Variants in SERINC5 observed in about 807,000 individuals in gnomAD.
The protein encoded by SERINC5 is serine incorporator 5, also known as chromosome 5 open reading frame 12.
In SERINC5, 41 loss-of-function variants were observed where a neutral mutation model predicts 63.1. The ratio of observed to expected loss-of-function variants is 0.65; its 90% confidence interval spans 0.51 to 0.84. The LOEUF is 0.84. SERINC5 is among the 40% of genes least tolerant of loss of function. The pLI, the probability that SERINC5 is intolerant of heterozygous loss-of-function variation, is 0.00. For missense variants in SERINC5, 523 were observed against 573.0 expected (o/e 0.91, Z 0.89); for synonymous variants, 222 against 215.2 (o/e 1.03, Z -0.28).
intron 6 of SERINC5, chr5:80,166,894 A>T: frequency 5.2e-6 from 1 of 190,546 alleles, no homozygotes; most frequent in Non-Finnish European, 1.1e-5. Context: ...TTCATAGGGG[A>T]TGTATTCTGG....
intron 2 of SERINC5, among the ~76,000 whole-genome samples, chr5:80,190,777 T>A: frequency 6.6e-6 from 1 of 152,230 alleles, no homozygotes; most frequent in East Asian, 1.9e-4. Flanking sequence ...CCTCAAGATT[T>A]GAGAGCCCCA....
At chr5:80,219,707 C>T (rs1038646826) in intron 1 of SERINC5, among the ~76,000 whole-genome samples, 3 of 152,156 alleles carry the variant, frequency 2.0e-5, no homozygotes, top group South Asian at 2.1e-4. Context: ...ATTACCCCTT[C>T]GCCCCCAGCT....
At chr5:80,127,639 T>C (rs1284130389) in intron 11 of SERINC5, among the ~76,000 whole-genome samples, 1 of 152,130 alleles carries the variant, frequency 6.6e-6, no homozygotes, top group East Asian at 1.9e-4. Context: ...ATATTTTATA[T>C]ATTTAAATTA....
chr5:80,168,013 C>A (rs1219619898), intron 6 of SERINC5, among the ~76,000 whole-genome samples: 2 of 152,246 alleles, frequency 1.3e-5, no homozygotes, highest in South Asian at 4.2e-4. Context: ...TGGTATTAAA[C>A]CAAGTATTTC....
At chr5:80,217,555 A>G (rs943328605) in intron 1 of SERINC5, among the ~76,000 whole-genome samples, 2 of 152,260 alleles carry the variant, frequency 1.3e-5, no homozygotes, top group Non-Finnish European at 2.9e-5. Flanking sequence ...TCAAGAGTTT[A>G]GCGGCGAGTG....
At chr5:80,206,185 CTA>C (rs1485421381) in intron 1 of SERINC5, among the ~76,000 whole-genome samples, 1 of 152,032 alleles carries the variant, frequency 6.6e-6, no homozygotes, top group African/African-American at 2.4e-5. Flanking sequence ...CTATATAAAC[CTA>C]AAGCCCAACA....
At chr5:80,219,008 G>C (rs946825586) in intron 1 of SERINC5, among the ~76,000 whole-genome samples, 2 of 152,170 alleles carry the variant, frequency 1.3e-5, no homozygotes, top group Non-Finnish European at 2.9e-5. Flanking sequence ...TTAGGATTCA[G>C]TGTCCAATAA....
intron 11 of SERINC5, chr5:80,116,450 G>T (rs182690186): frequency 2.4e-6 from 1 of 411,014 alleles, no homozygotes; most frequent in Non-Finnish European, 4.8e-6. Flanking sequence ...CATTTTCTCC[G>T]TTCCCTTCCC....
chr5:80,124,378 C>T (rs1744660763), intron 11 of SERINC5, among the ~76,000 whole-genome samples: 2 of 152,218 alleles, frequency 1.3e-5, no homozygotes, highest in African/African-American at 4.8e-5. Context: ...CTTTTCCACA[C>T]CTCTGCCTGC....
intron 1 of SERINC5, among the ~76,000 whole-genome samples, chr5:80,204,086 A>T (rs1192084960): frequency 6.6e-6 from 1 of 152,090 alleles, no homozygotes; most frequent in Non-Finnish European, 1.5e-5. Flanking sequence ...GGCGCTCGGG[A>T]CCCTTCCGGA....
intron 7 of SERINC5, among the ~76,000 whole-genome samples, chr5:80,164,411 A>G (rs1747137446): frequency 6.6e-6 from 1 of 151,598 alleles, no homozygotes; most frequent in Non-Finnish European, 1.5e-5. Flanking sequence ...GTCCCTGTCT[A>G]TTGCCCTGGG....
intron 1 of SERINC5, among the ~76,000 whole-genome samples, chr5:80,239,228 A>G (rs1470035529): frequency 6.6e-6 from 1 of 152,222 alleles, no homozygotes; most frequent in African/African-American, 2.4e-5. Flanking sequence ...AACGGGCATT[A>G]CGCCCATCAG....
chr5:80,180,411 G>A (rs745381704), intron 2 of SERINC5, among the ~76,000 whole-genome samples: 3 of 152,140 alleles, frequency 2.0e-5, no homozygotes, highest in Non-Finnish European at 4.4e-5. Flanking sequence ...ATAATTTACA[G>A]TTTCTTCTCC....
intron 2 of SERINC5, among the ~76,000 whole-genome samples, chr5:80,179,730 T>C (rs974798889): frequency 6.6e-6 from 1 of 152,264 alleles, no homozygotes; most frequent in African/African-American, 2.4e-5. Context: ...TCAGTGAGCA[T>C]TGCCTTTGAG....
chr5:80,189,174 C>T (rs1206953469), intron 2 of SERINC5, among the ~76,000 whole-genome samples: 1 of 152,086 alleles, frequency 6.6e-6, no homozygotes, highest in Non-Finnish European at 1.5e-5. Context: ...CGGATACTGC[C>T]AAACTCTCCA....
chr5:80,115,605 C>T (rs765983891), intron 11 of SERINC5, among the ~76,000 whole-genome samples: 2 of 152,072 alleles, frequency 1.3e-5, no homozygotes, highest in Middle Eastern at 6.8e-3. Context: ...AGCAGGTATT[C>T]TTAACCATAA....
chr5:80,165,551 G>T lies in SERINC5; in HGVS notation c.859+832C>A, dbSNP rs543780814. On this transcript the variant is annotated intron_variant, in intron 7 of 11. Coordinates refer to ENST00000507668, the MANE Select transcript of SERINC5 (RefSeq NM_001174072.3). The stretch of plus-strand genomic sequence containing the variant: ...TTTCTGCAAGTTACTTAAGTAGCAG[G>T]ATCAGTCTATAAACCAGGCAGTCCG... Among the ~76,000 whole-genome samples the T allele has an allele frequency of 5.3e-5, 8 of 152,278 alleles. No individual in the cohort carries two copies. The South Asian group carries it at 1.5e-3, about 28-fold the overall frequency.
Position 80,255,947 on chromosome 5 carries a change from G to C in SERINC5, c.-25C>G. ...TCGCGGCGGCCAATGCCGAAGGCGC[G>C]CTCGCTGGCTCCCCGCGCCGCACGG... On this transcript the variant is annotated 5_prime_UTR_variant, in exon 1 of 12. Coordinates refer to ENST00000507668, the MANE Select transcript of SERINC5 (RefSeq NM_001174072.3). 6.5e-7 allele frequency: 1 copy of C among 1,529,188 alleles called. No individual in the cohort carries two copies. Among genetic ancestry groups the C allele is most frequent in the Non-Finnish European group, 8.7e-7 (1 of 1,147,012 alleles). 94.7% of individuals were successfully genotyped at this position (1,529,188 alleles called of 1,614,324 possible). A position where few individuals can be genotyped will look rare whatever the true frequency, so the allele number is the denominator to read the frequency against.
At chr5:80,196,673 GTA>G (rs1254453821) in intron 2 of SERINC5, among the ~76,000 whole-genome samples, 1 of 152,164 alleles carries the variant, frequency 6.6e-6, no homozygotes, top group Non-Finnish European at 1.5e-5. Flanking sequence ...TATGTTACAG[GTA>G]TATTTACAGT....
Sources: allele counts gnomAD v4.1 joint callset (sites outside exome capture counted in the v4.1 genomes callset), GRCh38; gene constraint gnomAD v4.1.1; transcripts MANE v1.5; gene names NCBI Gene and HGNC (gene_info 2026-07-23, HGNC 2026-07-21).